ARHGAP39: variants seen among roughly 807,000 people sequenced by gnomAD.
ARHGAP39 encodes rho GTPase-activating protein 39.
In ARHGAP39, 44 loss-of-function variants were observed where a neutral mutation model predicts 106.9. The observed-to-expected ratio is 0.41, with a 90% CI of 0.32 to 0.53. The LOEUF (loss-of-function observed/expected upper bound fraction) is 0.53. ARHGAP39 is among the 20% of genes least tolerant of loss of function. The pLI is 0.21. For missense variants in ARHGAP39, 1,496 were observed against 1,577.3 expected (o/e 0.95, Z 0.87); for synonymous variants, 768 against 693.2 (o/e 1.11, Z -1.69).
At chr8:144,599,793 CAT>C (rs1819775671) in intron 2 of ARHGAP39, among the ~76,000 whole-genome samples, 1 of 152,172 alleles carries the variant, frequency 6.6e-6, no homozygotes. Context: ...GACACGTGCA[CAT>C]GAGGGAATGC....
At chr8:144,666,518 C>G (rs567259429) in intron 1 of ARHGAP39, among the ~76,000 whole-genome samples, 1 of 152,066 alleles carries the variant, frequency 6.6e-6, no homozygotes, top group African/African-American at 2.4e-5. Context: ...GGGAGGTACT[C>G]GAATCATGGG....
At chr8:144,532,525 A>T in intron 9 of ARHGAP39, 129 bp from the exon 10 acceptor site, 1 of 771,232 alleles carries the variant, frequency 1.3e-6, no homozygotes, top group Non-Finnish European at 2.1e-6. Flanking sequence ...ACCCCCCGCC[A>T]CCCCGGTTGG....
At chr8:144,562,509 C>CACCCCAGTGGTTTCCATCGG (rs1818228910) in intron 3 of ARHGAP39, among the ~76,000 whole-genome samples, 1 of 131,012 alleles carries the variant, frequency 7.6e-6, no homozygotes, top group African/African-American at 3.9e-5. Flanking sequence ...CCATCGGACT[C>CACCCCAGTGGTTTCCATCGG]ACTCCAGTGG....
chr8:144,539,243 A>G (rs1817092140), intron 6 of ARHGAP39, among the ~76,000 whole-genome samples: 1 of 152,066 alleles, frequency 6.6e-6, no homozygotes, highest in Non-Finnish European at 1.5e-5. Context: ...ACATCTGTAA[A>G]TATTTCTGTA....
chr8:144,695,817 A>G, the ARHGAP39 span, among the ~76,000 whole-genome samples: 4 of 152,188 alleles, frequency 2.6e-5, no homozygotes, highest in South Asian at 2.1e-4. Context: ...GGCGTTATCA[A>G]TGGGACAAAT....
rs778708376 is a variant in ARHGAP39 at position 144,545,784 on chromosome 8, C to T, written c.1986G>A (p.Gln662=). ...SQSEDLAACA[Q]FESSRQSRSG... ...TGCGGCTCTGCCGGCTGCTCTCGAA[C>T]TGGGCACAGGCAGCGAGGTCCTCAG... The change falls in exon 6 of 12, where the codon CAG becomes CAA. Residue 662 remains glutamine (Q), a synonymous_variant. Transcript: ENST00000377307. The T allele has an allele frequency of 1.9e-6, 3 of 1,578,098 alleles. No individual in the cohort carries two copies. Among genetic ancestry groups the T allele is most frequent in the Admixed American group, 1.7e-5 (1 of 58,690 alleles).
intron 1 of ARHGAP39, among the ~76,000 whole-genome samples, chr8:144,629,621 T>A (rs1353841285): frequency 6.6e-6 from 1 of 152,224 alleles, no homozygotes; most frequent in Non-Finnish European, 1.5e-5. Context: ...GAAATTGTAT[T>A]TTTCTTGATC....
chr8:144,686,994 TGGCGGCG>T (rs1563739006), upstream of ARHGAP39, among the ~76,000 whole-genome samples: 21 of 84,856 alleles, frequency 2.5e-4, 1 homozygote, highest in African/African-American at 1.4e-3. Context: ...GACCACACAC[TGGCGGCG>T]ACCATTTCCC....
intron 2 of ARHGAP39, among the ~76,000 whole-genome samples, chr8:144,581,985 C>T (rs890637181): frequency 7.0e-6 from 1 of 142,916 alleles, no homozygotes; most frequent in East Asian, 1.9e-4. Context: ...CCCATGCATC[C>T]GTCTCTTAAC....
intron 2 of ARHGAP39, among the ~76,000 whole-genome samples, chr8:144,597,584 G>A (rs13270450): frequency 1.3e-5 from 2 of 152,324 alleles, no homozygotes; most frequent in Admixed American, 6.5e-5. Flanking sequence ...GGCAGGGGGC[G>A]GGGGGAACCC....
At chr8:144,619,172 G>A (rs1021148879) in intron 1 of ARHGAP39, among the ~76,000 whole-genome samples, 2 of 152,288 alleles carry the variant, frequency 1.3e-5, no homozygotes, top group African/African-American at 4.8e-5. Context: ...TGCTTCCAAC[G>A]TCCCACGCCG....
rs1488059403 is a variant in ARHGAP39 at position 144,604,955 on chromosome 8, A to G, written c.80+580T>C. ...GTAACTTTTCTGGAAGCATGAAATTATTTCCAAATAAAAGCCTAGAAATCA... is the reference window on the plus strand; with the variant it reads ...GTAACTTTTCTGGAAGCATGAAATTGTTTCCAAATAAAAGCCTAGAAATCA... On this transcript the variant is annotated intron_variant, in intron 2 of 11. Coordinates refer to ENST00000377307, the MANE Select transcript of ARHGAP39 (RefSeq NM_025251.3). The surrounding 1 kb of genome is among the most constrained non-coding windows in gnomAD (Gnocchi z 4.1). Among the ~76,000 whole-genome samples, 1 of 152,180 alleles carries G rather than the reference A, an allele frequency of 6.6e-6. No homozygotes were observed. The highest frequency in any genetic ancestry group is 2.4e-5 in the African/African-American group (1 of 41,452).
chr8:144,676,059 G>A (rs966661516), intron 1 of ARHGAP39, among the ~76,000 whole-genome samples: 1 of 152,210 alleles, frequency 6.6e-6, no homozygotes, highest in South Asian at 2.1e-4. Flanking sequence ...AGCTCATAAA[G>A]GCGGCGCGGA....
At chr8:144,688,869 A>G (rs1822688244), upstream of ARHGAP39, among the ~76,000 whole-genome samples, 2 of 152,180 alleles carry the variant, frequency 1.3e-5, no homozygotes, top group Non-Finnish European at 2.9e-5. Context: ...TTTTTTGAGG[A>G]CTGTAACAAC....
At position 144,670,786 on chromosome 8, in the gene ARHGAP39, C is replaced by T. The variant is rs1297013473; in HGVS notation, c.-82+14900G>A. ...CCTCATCCCCGTCCTTCAGACCACA[C>T]ACCGCAGCTGCCAACTGTGTGTATC... On this transcript the variant is annotated intron_variant, in intron 1 of 11. Transcript: ENST00000377307. This position sits in a 1 kb window ranked among gnomAD's most constrained non-coding sequence, Gnocchi z 4.4. 6.6e-6 allele frequency among the ~76,000 whole-genome samples: 1 copy of T among 152,212 alleles called. No individual in the cohort carries two copies. The highest frequency in any genetic ancestry group is 2.4e-5 in the African/African-American group (1 of 41,448).
intron 2 of ARHGAP39, among the ~76,000 whole-genome samples, chr8:144,597,297 C>T (rs1260237898): frequency 6.6e-6 from 1 of 152,234 alleles, no homozygotes; most frequent in Non-Finnish European, 1.5e-5. Context: ...CACTCTGCAC[C>T]AGCAGCCACA....
chr8:144,558,022 C>T (rs1393757996), intron 3 of ARHGAP39, among the ~76,000 whole-genome samples: 4 of 152,216 alleles, frequency 2.6e-5, no homozygotes, highest in Admixed American at 2.6e-4. Flanking sequence ...CACTTACGTA[C>T]CACCTGCCAT....
intron 7 of ARHGAP39, among the ~76,000 whole-genome samples, chr8:144,535,350 C>G (rs963618762): frequency 2.0e-5 from 3 of 152,102 alleles, no homozygotes; most frequent in Non-Finnish European, 4.4e-5. Flanking sequence ...ACGTTTAGGT[C>G]CTAGAAAATC....
intron 1 of ARHGAP39, among the ~76,000 whole-genome samples, chr8:144,628,249 C>T (rs1052865724): frequency 2.0e-5 from 3 of 152,138 alleles, no homozygotes; most frequent in African/African-American, 7.2e-5. Context: ...TCACCCGCTG[C>T]TCTCCCCAGC....
Sources: gnomAD v4.1 joint callset for allele counts (sites outside exome capture counted in the v4.1 genomes callset) on GRCh38, gnomAD v4.1.1 for gene constraint, Gnocchi (gnomAD v3.1) non-coding constraint, MANE v1.5 for transcripts, NCBI Gene and HGNC (gene_info 2026-07-23, HGNC 2026-07-21) for gene names.